Variants in PCDH19 observed in about 807,000 individuals in gnomAD.
The protein encoded by PCDH19 is protocadherin 19, also known as protocadherin-19.
PCDH19 carries 6 observed loss-of-function variants against 46.2 expected under a neutral mutation model. The observed-to-expected ratio is 0.13, with a 90% CI of 0.07 to 0.26. PCDH19 has a LOEUF of 0.26. Ranked by LOEUF, PCDH19 falls within the 10% of genes least tolerant of loss-of-function variation. The pLI is 1.00. For missense variants in PCDH19, 740 were observed against 972.3 expected (o/e 0.76, Z 3.18); for synonymous variants, 481 against 415.7 (o/e 1.16, Z -1.91).
In PCDH19 at chrX:100,361,521, C is replaced by T. The variant is rs745344094; in HGVS notation, c.2617-10817G>A. 1.3e-4 allele frequency among the ~76,000 whole-genome samples: 15 copies of T among 111,860 alleles called. No homozygotes were observed. In the South Asian group the frequency reaches 5.6e-3, roughly 42 times the overall value. Reference sequence around the variant, plus strand: ...AGACTTTCATGAGGTGCTGAATGACCGTAATGGAGCAGATGCTTCCTGTTA... The same window carrying T: ...AGACTTTCATGAGGTGCTGAATGACTGTAATGGAGCAGATGCTTCCTGTTA... On this transcript the variant is annotated intron_variant, in intron 3 of 5. Transcript: ENST00000373034.
At chrX:100,385,787 G>C (rs1186529068) in intron 3 of PCDH19, among the ~76,000 whole-genome samples, 1 of 111,125 alleles carries the variant, frequency 9.0e-6, no homozygotes, top group Non-Finnish European at 1.9e-5. Context: ...CCAGATACTT[G>C]GGAGGCTGAG....
In PCDH19 at chrX:100,403,534, T is replaced by G. The variant is rs1928258172; in HGVS notation, c.2278A>C (p.Arg760=). The G allele has an allele frequency of 3.3e-6, 4 of 1,206,458 alleles. No homozygotes were observed. Among genetic ancestry groups the G allele is most frequent in the African/African-American group, 1.8e-5 (1 of 57,070 alleles). The change falls in exon 2 of 6, where the codon AGG becomes CGG. Residue 760 remains arginine (R), a synonymous_variant. Coordinates refer to ENST00000373034, the MANE Select transcript of PCDH19 (RefSeq NM_001184880.2). ...DKKTEEKVSL[R]GKRIAEYSYG... is the part of the protein sequence containing the mutation. ...GAAATGCCTTTTTACCTCTTTCCCC[T>G]TAGGCTCACTTTCTCCTCTGTCTTT...
chrX:100,305,918 T>G (rs942530009), intron 5 of PCDH19, among the ~76,000 whole-genome samples: 2 of 111,513 alleles, frequency 1.8e-5, no homozygotes, highest in African/African-American at 6.5e-5. Flanking sequence ...ATTTATAAAA[T>G]AATTACTACT....
In PCDH19 at chrX:100,376,248, A is replaced by G. The variant is rs1436871630; in HGVS notation, c.2617-25544T>C. On this transcript the variant is annotated intron_variant, in intron 3 of 5. Coordinates refer to ENST00000373034, the MANE Select transcript of PCDH19 (RefSeq NM_001184880.2). ...GAAACTCCGTCTCAAAAAAAAAAAA[A>G]AAAAAAGAAAAGAAAAGAAAAAAGA... Among the ~76,000 whole-genome samples the G allele has an allele frequency of 4.4e-5, 4 of 90,932 alleles. No homozygotes were observed. The East Asian group carries it at 1.2e-3, about 27-fold the overall frequency. 79.0% of individuals were successfully genotyped at this position (90,932 alleles called of 115,157 possible). A position where few individuals can be genotyped will look rare whatever the true frequency, so the allele number is the denominator to read the frequency against.
chrX:100,371,875 CA>C (rs1277664279), intron 3 of PCDH19, among the ~76,000 whole-genome samples: 97 of 107,127 alleles, frequency 9.1e-4, no homozygotes, highest in Middle Eastern at 4.7e-3. Flanking sequence ...CACACACACA[CA>C]CACACACCCA....
At chrX:100,345,758 CT>C (rs1402979028) in intron 4 of PCDH19, among the ~76,000 whole-genome samples, 1 of 111,782 alleles carries the variant, frequency 8.9e-6, no homozygotes, top group Non-Finnish European at 1.9e-5. Flanking sequence ...GGTATAACAA[CT>C]CCCCCAAACC....
At chrX:100,325,270 T>G (rs5921548) in intron 5 of PCDH19, among the ~76,000 whole-genome samples, 1 of 109,751 alleles carries the variant, frequency 9.1e-6, no homozygotes, top group East Asian at 2.9e-4. Context: ...GGTTAGTGAC[T>G]TATCCAAGGC....
chrX:100,407,231 G>T lies in PCDH19; in HGVS notation c.1367C>A (p.Pro456His). 8.3e-7 allele frequency: 1 copy of T among 1,211,649 alleles called. No individual in the cohort carries two copies. The highest frequency in any genetic ancestry group is 1.1e-6 in the Non-Finnish European group (1 of 895,486). ...ENDNHPHFSK[P>H]YYQVIVQENN... ...CTCCTGCACAATGACCTGGTAGTAGGGCTTGGAAAAGTGCGGGTGGTTGTC... is the reference window on the plus strand; with the variant it reads ...CTCCTGCACAATGACCTGGTAGTAGTGCTTGGAAAAGTGCGGGTGGTTGTC... Residue 456 changes from proline (P) to histidine (H), a missense_variant, in exon 1 of 6, where the codon CCC becomes CAC. Pro to His is a moderately conservative substitution (Grantham distance 77, BLOSUM62 -2). Around this residue, in one of 5 missense-constraint regions of PCDH19, gnomAD observed 186 missense variants for 319.9 expected, o/e 0.58. Transcript: ENST00000373034.
At chrX:100,385,123 C>T (rs1011100270) in intron 3 of PCDH19, among the ~76,000 whole-genome samples, 6 of 101,217 alleles carry the variant, frequency 5.9e-5, no homozygotes. Context: ...GACACCACTG[C>T]ACTCAGACCT....
intron 5 of PCDH19, among the ~76,000 whole-genome samples, chrX:100,311,796 T>C (rs1925137791): frequency 9.0e-6 from 1 of 110,789 alleles, no homozygotes; most frequent in Non-Finnish European, 1.9e-5. Flanking sequence ...GGATGGACTA[T>C]TCATTACCAA....
intron 3 of PCDH19, 49 bp downstream of exon 3, chrX:100,402,475 A>ACC (rs753945434): frequency 9.4e-7 from 1 of 1,066,130 alleles, no homozygotes; most frequent in African/African-American, 1.8e-5. Context: ...GCGAGCAGCT[A>ACC]AAGAAGGAGA....
intron 5 of PCDH19, among the ~76,000 whole-genome samples, chrX:100,304,777 G>T (rs1250658208): frequency 8.9e-6 from 1 of 112,184 alleles, no homozygotes; most frequent in Non-Finnish European, 1.9e-5. Flanking sequence ...AATGCAAAAT[G>T]CACTGGAAAG....
At chrX:100,374,059 C>T (rs1294400659) in intron 3 of PCDH19, among the ~76,000 whole-genome samples, 1 of 112,654 alleles carries the variant, frequency 8.9e-6, no homozygotes, top group African/African-American at 3.2e-5. Flanking sequence ...TCATTGATTT[C>T]GTCAGTAGCT....
chrX:100,365,307 T>TC (rs1482559025), intron 3 of PCDH19, among the ~76,000 whole-genome samples: 1 of 111,400 alleles, frequency 9.0e-6, no homozygotes, highest in Non-Finnish European at 1.9e-5. Context: ...AACCTAAGAC[T>TC]CCTTCTTTCC....
At chrX:100,374,711 T>C (rs1192792802) in intron 3 of PCDH19, among the ~76,000 whole-genome samples, 1 of 111,544 alleles carries the variant, frequency 9.0e-6, no homozygotes, top group Non-Finnish European at 1.9e-5. Flanking sequence ...AGGCCGAGGC[T>C]GGCGGATCAC....
chrX:100,333,164 A>AG (rs1569294636), intron 5 of PCDH19, among the ~76,000 whole-genome samples: 17 of 47,570 alleles, frequency 3.6e-4, no homozygotes, highest in East Asian at 7.2e-4. Flanking sequence ...GAAGGAAGGA[A>AG]GGAAGGAAGG....
intron 3 of PCDH19, among the ~76,000 whole-genome samples, chrX:100,357,224 G>A (rs1268683580): frequency 1.8e-5 from 2 of 111,545 alleles, no homozygotes; most frequent in Admixed American, 9.6e-5. Flanking sequence ...CAGGCTACTG[G>A]ACTGCAACTT....
chrX:100,347,469 C>T (rs774982357), intron 4 of PCDH19, among the ~76,000 whole-genome samples: 17 of 111,626 alleles, frequency 1.5e-4, no homozygotes, highest in East Asian at 2.9e-4. Flanking sequence ...GTTCACTAAC[C>T]GTGCCCAAGC....
intron 4 of PCDH19, among the ~76,000 whole-genome samples, chrX:100,344,414 C>G (rs1056328297): frequency 6.3e-5 from 7 of 111,222 alleles, no homozygotes; most frequent in Non-Finnish European, 1.3e-4. Flanking sequence ...CTATTATAAT[C>G]CCACAGTTTA....
Sources: allele counts gnomAD v4.1 joint callset (sites outside exome capture counted in the v4.1 genomes callset), GRCh38; gene constraint gnomAD v4.1.1; regional missense constraint gnomAD v4.1.1; transcripts MANE v1.5; gene names NCBI Gene and HGNC (gene_info 2026-07-23, HGNC 2026-07-21).